PLCXD3: variants seen among roughly 807,000 people sequenced by gnomAD.
PLCXD3 encodes phosphatidylinositol specific phospholipase C X domain containing 3.
PLCXD3 carries 19 observed loss-of-function variants against 25.5 expected under a neutral mutation model. The observed-to-expected ratio is 0.75, with a 90% CI of 0.52 to 1.09. PLCXD3 has a LOEUF of 1.09. PLCXD3 is among the 50% of genes least tolerant of loss of function. PLCXD3 has a pLI of 0.00. For synonymous variants in PLCXD3, 174 were observed against 137.6 expected (o/e 1.26, Z -1.85); for missense variants, 411 against 388.1 (o/e 1.06, Z -0.50).
Position 41,372,347 on chromosome 5 carries a change from C to CACACACACAT in PLCXD3, c.812+9478_812+9479insATGTGTGTGT, listed in dbSNP as rs71608606. The stretch of plus-strand genomic sequence containing the variant: ...ACACACACACACACACACACACACA[C>CACACACACAT]ACCAGGCACTGAATAGATATCTGAC... On this transcript the variant is annotated intron_variant, in intron 2 of 2. Coordinates refer to ENST00000377801, the MANE Select transcript of PLCXD3 (RefSeq NM_001005473.3). 2.4e-3 allele frequency among the ~76,000 whole-genome samples: 316 copies of CACACACACAT among 132,444 alleles called. 12 individuals carry two copies. The highest frequency in any genetic ancestry group is 7.4e-3 in the African/African-American group (259 of 35,046). The allele number at this position is 132,444 out of a possible 152,430, so 86.9% of individuals were successfully genotyped here. A position where few individuals can be genotyped will look rare whatever the true frequency, so the allele number is the denominator to read the frequency against.
intron 1 of PLCXD3, among the ~76,000 whole-genome samples, chr5:41,492,666 C>T (rs976145331): frequency 6.6e-6 from 1 of 152,180 alleles, no homozygotes; most frequent in African/African-American, 2.4e-5. Flanking sequence ...AACTTCCCTT[C>T]TCGCTTCATT....
chr5:41,458,952 A>C (rs955851068), intron 1 of PLCXD3, among the ~76,000 whole-genome samples: 8 of 151,968 alleles, frequency 5.3e-5, no homozygotes, highest in Non-Finnish European at 1.0e-4. Flanking sequence ...TATTTTTCTT[A>C]GAGTATCTAT....
At chr5:41,336,367 C>T (rs559819465) in intron 2 of PLCXD3, among the ~76,000 whole-genome samples, 29 of 152,192 alleles carry the variant, frequency 1.9e-4, no homozygotes, top group Admixed American at 2.0e-4. Flanking sequence ...TATAAAATTT[C>T]GTAAAATACC....
At chr5:41,321,119 A>T (rs1451119872) in intron 2 of PLCXD3, among the ~76,000 whole-genome samples, 1 of 152,222 alleles carries the variant, frequency 6.6e-6, no homozygotes, top group South Asian at 2.1e-4. Context: ...CCAGAGAAAG[A>T]CACAAAATGC....
chr5:41,478,634 C>T (rs1422615605), intron 1 of PLCXD3, among the ~76,000 whole-genome samples: 1 of 152,146 alleles, frequency 6.6e-6, no homozygotes, highest in African/African-American at 2.4e-5. Context: ...AGAATGATTA[C>T]AATCAACTTA....
chr5:41,464,039 T>C (rs1436644062), intron 1 of PLCXD3, among the ~76,000 whole-genome samples: 1 of 152,030 alleles, frequency 6.6e-6, no homozygotes, highest in Non-Finnish European at 1.5e-5. Context: ...GCTACCATAA[T>C]TGTACTGTCT....
In PLCXD3 at chr5:41,368,525, A is replaced by C. The variant is rs549506694; in HGVS notation, c.812+13301T>G. Among the ~76,000 whole-genome samples the C allele has an allele frequency of 4.7e-4, 71 of 152,200 alleles. 1 individual carries two copies. The South Asian group carries it at 0.014, about 31-fold the overall frequency. On this transcript the variant is annotated intron_variant, in intron 2 of 2. Coordinates refer to ENST00000377801, the MANE Select transcript of PLCXD3 (RefSeq NM_001005473.3). ...CTCTCTTCCTATTCGTATACGCTTT[A>C]TTTCTTTCTCTTGCCTGGTTGCTCT...
chr5:41,413,165 G>T (rs1746607001), intron 1 of PLCXD3, among the ~76,000 whole-genome samples: 1 of 151,856 alleles, frequency 6.6e-6, no homozygotes, highest in South Asian at 2.1e-4. Context: ...TTTTTAAATT[G>T]CCTACTTACA....
At chr5:41,423,229 T>C (rs2150506600) in intron 1 of PLCXD3, among the ~76,000 whole-genome samples, 2 of 152,260 alleles carry the variant, frequency 1.3e-5, no homozygotes, top group East Asian at 1.9e-4. Flanking sequence ...AAATGGGTTA[T>C]ATGTTCTTTG....
intron 2 of PLCXD3, among the ~76,000 whole-genome samples, chr5:41,350,096 T>C (rs1468451754): frequency 6.6e-6 from 1 of 152,024 alleles, no homozygotes; most frequent in Non-Finnish European, 1.5e-5. Context: ...ATTTTCACTG[T>C]CTCCTGCATC....
At chr5:41,332,565 A>G (rs1743851647) in intron 2 of PLCXD3, among the ~76,000 whole-genome samples, 1 of 152,124 alleles carries the variant, frequency 6.6e-6, no homozygotes, top group African/African-American at 2.4e-5. Context: ...AACTAGAAAT[A>G]CCATTTGACC....
chr5:41,455,959 G>T (rs1369253501), intron 1 of PLCXD3, among the ~76,000 whole-genome samples: 1 of 151,880 alleles, frequency 6.6e-6, no homozygotes, highest in African/African-American at 2.4e-5. Context: ...TTGTCGCAAA[G>T]AATAGAATCA....
chr5:41,368,043 C>T (rs553428561), intron 2 of PLCXD3, among the ~76,000 whole-genome samples: 1 of 152,182 alleles, frequency 6.6e-6, no homozygotes, highest in South Asian at 2.1e-4. Flanking sequence ...CTATAAATTG[C>T]TTTGGGCAGT....
intron 1 of PLCXD3, among the ~76,000 whole-genome samples, chr5:41,484,790 A>C (rs1471202159): frequency 6.6e-6 from 1 of 152,172 alleles, no homozygotes; most frequent in Non-Finnish European, 1.5e-5. Context: ...CTGTCATGTT[A>C]AAATATTGTT....
intron 2 of PLCXD3, among the ~76,000 whole-genome samples, chr5:41,369,768 C>A (rs1431903841): frequency 9.2e-5 from 14 of 152,138 alleles, no homozygotes; most frequent in Admixed American, 8.5e-4. Context: ...TGTGAGCCAC[C>A]ATGACCAGCC....
At chr5:41,435,468 A>G (rs116720429) in intron 1 of PLCXD3, among the ~76,000 whole-genome samples, 28 of 152,284 alleles carry the variant, frequency 1.8e-4, no homozygotes, top group Non-Finnish European at 7.4e-5. Context: ...CCACATGGAC[A>G]CTGGCAGCTG....
chr5:41,360,972 GT>G (rs1303409764), intron 2 of PLCXD3, among the ~76,000 whole-genome samples: 1 of 152,016 alleles, frequency 6.6e-6, no homozygotes, highest in Admixed American at 6.5e-5. Context: ...CTCCTAAGAG[GT>G]TATGATTTTT....
chr5:41,352,324 G>A (rs1470983736), intron 2 of PLCXD3, among the ~76,000 whole-genome samples: 4 of 152,074 alleles, frequency 2.6e-5, no homozygotes, highest in Non-Finnish European at 5.9e-5. Flanking sequence ...TATTCTTTCT[G>A]CCTCAAGAGT....
intron 1 of PLCXD3, among the ~76,000 whole-genome samples, chr5:41,389,953 C>T (rs1399776511): frequency 6.6e-6 from 1 of 152,104 alleles, no homozygotes; most frequent in East Asian, 1.9e-4. Context: ...AATCAAGATA[C>T]AGCACATTTC....
Sources: allele counts gnomAD v4.1 joint callset (sites outside exome capture counted in the v4.1 genomes callset), GRCh38; gene constraint gnomAD v4.1.1; transcripts MANE v1.5; gene names NCBI Gene and HGNC (gene_info 2026-07-23, HGNC 2026-07-21).